Variants in KIF24 observed in about 807,000 individuals in gnomAD.
KIF24 encodes the protein kinesin-like protein KIF24.
KIF24 carries 81 observed loss-of-function variants against 118.9 expected under a neutral mutation model. That is an observed-to-expected ratio of 0.68 (90% CI 0.57 to 0.82). The LOEUF is 0.82. Ranked by LOEUF, KIF24 falls within the 40% of genes least tolerant of loss-of-function variation. The pLI is 0.00. For missense variants in KIF24, 1,560 were observed against 1,661.6 expected, an observed-to-expected ratio of 0.94 and a Z score of 1.06; for synonymous variants, 599 against 610.0, an observed-to-expected ratio of 0.98 and a Z score of 0.27.
At chr9:34,302,783 T>TG (rs1466015294) in intron 3 of KIF24, among the ~76,000 whole-genome samples, 5 of 149,824 alleles carry the variant, frequency 3.3e-5, no homozygotes, top group Non-Finnish European at 7.4e-5. Flanking sequence ...TAATTTTTTT[T>TG]TTTTTTTTCT....
At chr9:34,280,877 TC>T (rs1835827194) in intron 6 of KIF24, among the ~76,000 whole-genome samples, 1 of 151,914 alleles carries the variant, frequency 6.6e-6, no homozygotes, top group Non-Finnish European at 1.5e-5. Context: ...CACACCCAAG[TC>T]CCAAGTATTA....
intron 10 of KIF24, among the ~76,000 whole-genome samples, chr9:34,259,124 T>C (rs774676746): frequency 1.3e-5 from 2 of 152,200 alleles, no homozygotes; most frequent in Non-Finnish European, 2.9e-5. Flanking sequence ...GGAAAGATCC[T>C]ACCCTTCTCT....
intron 7 of KIF24, 104 bp downstream of exon 7, chr9:34,271,705 G>A (rs1835514650): frequency 8.1e-7 from 1 of 1,231,548 alleles, no homozygotes; most frequent in African/African-American, 1.5e-5. Context: ...TCCCTGCAAT[G>A]AAGAACTCCA....
rs1025424534 is a variant in KIF24, at chr9:34,329,119, C to T, written c.-39G>A. 2.0e-5 allele frequency among the ~76,000 whole-genome samples: 3 copies of T among 152,354 alleles called. No homozygotes were observed. Among genetic ancestry groups the T allele is most frequent in the East Asian group, 1.9e-4 (1 of 5,186 alleles). The stretch of plus-strand genomic sequence containing the variant: ...GCCCTTTCTCACCTCGGTCCAAACT[C>T]CTCGGTCTGCCCTGTCTGAGAAGAG... On this transcript the variant is annotated 5_prime_UTR_variant, in exon 1 of 13. Transcript: ENST00000402558.
chr9:34,262,394 G>T (rs907063376), intron 9 of KIF24, among the ~76,000 whole-genome samples: 4 of 151,934 alleles, frequency 2.6e-5, no homozygotes, highest in African/African-American at 9.7e-5. Context: ...CGCTTGGGAA[G>T]AAAAGTTGTT....
chr9:34,271,954 A>T, intron 6 of KIF24, 24 bp from the exon 7 acceptor site: 1 of 1,567,250 alleles, frequency 6.4e-7, no homozygotes. Flanking sequence ...CCACAGGATG[A>T]CTTCCCCAAG....
chr9:34,302,844 C>T lies in KIF24; in HGVS notation c.813+3408G>A, dbSNP rs78490407. 3.1e-3 allele frequency among the ~76,000 whole-genome samples: 460 copies of T among 149,370 alleles called. 7 individuals carry two copies. The highest frequency in any genetic ancestry group is 0.024 in the Admixed American group (357 of 14,846). ...AGTCTGGAGTGCAGTGGTGCGATCT[C>T]GGCTCACTGCAAGCTCCGCCTCCCG... On this transcript the variant is annotated intron_variant, in intron 3 of 12. Coordinates refer to ENST00000402558, the MANE Select transcript of KIF24 (RefSeq NM_194313.4).
chr9:34,285,441 G>A (rs977165394), intron 6 of KIF24, among the ~76,000 whole-genome samples: 3 of 151,732 alleles, frequency 2.0e-5, no homozygotes, highest in South Asian at 2.1e-4. Context: ...CACCCTAGGC[G>A]ACACAGCAAG....
chr9:34,281,759 T>C (rs933754267), intron 6 of KIF24, among the ~76,000 whole-genome samples: 2 of 152,180 alleles, frequency 1.3e-5, no homozygotes, highest in African/African-American at 4.8e-5. Context: ...ACTCAGATAC[T>C]TCTCCCTGGA....
At chr9:34,301,931 G>C (rs968037920) in intron 3 of KIF24, among the ~76,000 whole-genome samples, 13 of 150,960 alleles carry the variant, frequency 8.6e-5, no homozygotes, top group Non-Finnish European at 1.9e-4. Flanking sequence ...TTCAGCCACT[G>C]TTAACTTTTT....
intron 7 of KIF24, among the ~76,000 whole-genome samples, chr9:34,270,100 T>C (rs1438304175): frequency 6.6e-6 from 1 of 152,002 alleles, no homozygotes; most frequent in African/African-American, 2.4e-5. Flanking sequence ...TGCATGCCTG[T>C]AGTCCCAGCT....
At chr9:34,314,514 C>A (rs1837276116) in intron 1 of KIF24, among the ~76,000 whole-genome samples, 1 of 152,068 alleles carries the variant, frequency 6.6e-6, no homozygotes, top group African/African-American at 2.4e-5. Context: ...CATCCCAGAT[C>A]TATAGAAAAC....
intron 4 of KIF24, among the ~76,000 whole-genome samples, chr9:34,291,895 C>G (rs1254329058): frequency 3.9e-5 from 6 of 152,140 alleles, no homozygotes; most frequent in Non-Finnish European, 2.9e-5. Flanking sequence ...TCCCGCAAAC[C>G]TGCCTCCCAT....
At position 34,324,325 on chromosome 9, in the gene KIF24, A is replaced by AG. The variant is rs1170875632; in HGVS notation, c.-26+4780dup. 4.6e-5 allele frequency among the ~76,000 whole-genome samples: 7 copies of AG among 152,192 alleles called. No homozygotes were observed. In the East Asian group the frequency reaches 7.7e-4, roughly 17 times the overall value. On this transcript the variant is annotated intron_variant, in intron 1 of 12. Coordinates refer to ENST00000402558, the MANE Select transcript of KIF24 (RefSeq NM_194313.4). ...CCCCTCCACTTCTCTCTTCTTTGGA[A>AG]GGGGGGTGAAAATACCATTCATGCA... is the stretch of plus-strand genomic sequence containing the variant.
At chr9:34,286,482 C>A in intron 6 of KIF24, 135 bp downstream of exon 6, 1 of 601,726 alleles carries the variant, frequency 1.7e-6, no homozygotes, top group South Asian at 2.3e-5. Context: ...TCACATTTTA[C>A]AGATGGGAAG....
chr9:34,327,586 AACT>A (rs1837709052), intron 1 of KIF24, among the ~76,000 whole-genome samples: 1 of 152,152 alleles, frequency 6.6e-6, no homozygotes, highest in Non-Finnish European at 1.5e-5. Flanking sequence ...AATAAATGGT[AACT>A]ACTACTTTCA....
intron 1 of KIF24, among the ~76,000 whole-genome samples, chr9:34,311,651 C>T (rs1331398701): frequency 1.4e-5 from 2 of 138,030 alleles, no homozygotes; most frequent in Non-Finnish European, 3.1e-5. Context: ...TGTATATATA[C>T]GTGTATATAC....
At chr9:34,312,617 G>A (rs1837206109) in intron 1 of KIF24, among the ~76,000 whole-genome samples, 1 of 152,196 alleles carries the variant, frequency 6.6e-6, no homozygotes, top group African/African-American at 2.4e-5. Flanking sequence ...TGAATAATTA[G>A]CTTTGGGGGA....
chr9:34,311,249 G>C lies in KIF24; in HGVS notation c.98C>G (p.Ala33Gly). ...ALGLQKIDEL[A>G]KITMKDYSKL... ...GGAGTAGTCCTTCATTGTAATCTTG[G>C]CTAATTCATCTATTTTCTGAAGGCC... The change falls in exon 2 of 13, where the codon GCC (alanine) becomes GGC (glycine). Residue 33 changes from alanine to glycine, a missense_variant. Ala to Gly is a moderately conservative substitution (Grantham distance 60). Coordinates refer to ENST00000402558, the MANE Select transcript of KIF24 (RefSeq NM_194313.4). 1 of 1,612,342 alleles carries C rather than the reference G, an allele frequency of 6.2e-7. No homozygotes were observed. The highest frequency in any genetic ancestry group is 8.5e-7 in the Non-Finnish European group (1 of 1,178,904).
Sources: gnomAD v4.1 joint callset for allele counts (sites outside exome capture counted in the v4.1 genomes callset) on GRCh38, gnomAD v4.1.1 for gene constraint, MANE v1.5 for transcripts, NCBI Gene and HGNC (gene_info 2026-07-23, HGNC 2026-07-21) for gene names.